CCNH: variants seen among roughly 807,000 people sequenced by gnomAD.
CCNH encodes cyclin H.
CCNH carries 31 observed loss-of-function variants against 41.9 expected under a neutral mutation model. The ratio of observed to expected loss-of-function variants is 0.74; its 90% CI spans 0.56 to 1.00. The LOEUF is 1.00. Among genes scored for constraint, CCNH ranks in the 50% least tolerant of loss-of-function variants. The pLI, the probability that CCNH is intolerant of heterozygous loss-of-function variation, is 0.00. For missense variants in CCNH, 362 were observed against 388.4 expected (o/e 0.93, Z 0.57); for synonymous variants, 138 against 136.1 (o/e 1.01, Z -0.10).
intron 9 of CCNH, among the ~76,000 whole-genome samples, chr5:87,350,359 GTTCT>G (rs1188291268): frequency 1.3e-5 from 2 of 151,742 alleles, no homozygotes; most frequent in African/African-American, 4.8e-5. Flanking sequence ...TGCAATTTGA[GTTCT>G]TTAAGAATGT....
chr5:87,387,905 T>C (rs1762174559), downstream of CCNH, among the ~76,000 whole-genome samples: 1 of 152,210 alleles, frequency 6.6e-6, no homozygotes, highest in South Asian at 2.1e-4. Flanking sequence ...TTTAAGGAAC[T>C]GTGTGAGAAG....
At chr5:87,353,350 ATTAT>A (rs1233876165) in intron 9 of CCNH, 2 of 843,582 alleles carry the variant, frequency 2.4e-6, no homozygotes, top group African/African-American at 1.7e-5. Flanking sequence ...AAAACTACAG[ATTAT>A]TTAGATTTTT....
intron 9 of CCNH, chr5:87,385,255 G>A: frequency 8.5e-7 from 1 of 1,177,080 alleles, no homozygotes; most frequent in Non-Finnish European, 1.3e-6. Context: ...TTAGCTGGAA[G>A]TGCTGTTGGA....
intron 9 of CCNH, among the ~76,000 whole-genome samples, chr5:87,368,247 G>A (rs957705626): frequency 9.2e-5 from 14 of 151,940 alleles, no homozygotes; most frequent in African/African-American, 3.4e-4. Flanking sequence ...CCATTCTGCA[G>A]TTAAATCCAC....
intron 9 of CCNH, among the ~76,000 whole-genome samples, chr5:87,367,914 AT>A: frequency 6.6e-6 from 1 of 151,916 alleles, no homozygotes; most frequent in South Asian, 2.1e-4. Flanking sequence ...CTTTCTCTGG[AT>A]GCTTTGAGAT....
chr5:87,336,031 C>T (rs996185676), intron 9 of CCNH, among the ~76,000 whole-genome samples: 5 of 152,142 alleles, frequency 3.3e-5, no homozygotes, highest in African/African-American at 1.2e-4. Context: ...ATCCTTTTCA[C>T]AACTACATTC....
intron 9 of CCNH, chr5:87,332,754 A>G: frequency 8.9e-7 from 1 of 1,119,140 alleles, no homozygotes; most frequent in Non-Finnish European, 1.3e-6. Context: ...TATTTGTTGT[A>G]TTAAATTTTA....
At chr5:87,398,625 G>T (rs1021333242) in intron 7 of CCNH, among the ~76,000 whole-genome samples, 5 of 152,118 alleles carry the variant, frequency 3.3e-5, no homozygotes, top group African/African-American at 1.2e-4. Context: ...AATCAATTAA[G>T]AGACATTAAA....
chr5:87,385,375 G>A, intron 9 of CCNH: 1 of 1,604,674 alleles, frequency 6.2e-7, no homozygotes, highest in Non-Finnish European at 8.5e-7. Flanking sequence ...AAATCTTGTG[G>A]AATTTGGAGC....
chr5:87,375,636 C>T (rs573804739), downstream of CCNH, among the ~76,000 whole-genome samples: 8 of 152,288 alleles, frequency 5.3e-5, no homozygotes, highest in South Asian at 1.7e-3. Flanking sequence ...GAATATGTCA[C>T]TTATTCACTT....
At chr5:87,355,465 C>T (rs993940190) in intron 9 of CCNH, among the ~76,000 whole-genome samples, 20 of 152,154 alleles carry the variant, frequency 1.3e-4, no homozygotes, top group African/African-American at 4.8e-4. Context: ...TATTTTAAGG[C>T]CACTGTTGAA....
intron 9 of CCNH, among the ~76,000 whole-genome samples, chr5:87,346,175 T>C (rs1392534707): frequency 6.6e-6 from 1 of 152,070 alleles, no homozygotes; most frequent in Non-Finnish European, 1.5e-5. Context: ...CAGTTCTTGA[T>C]GGTGCTATCC....
intron 9 of CCNH, among the ~76,000 whole-genome samples, chr5:87,367,434 A>T (rs917683901): frequency 2.0e-5 from 3 of 152,210 alleles, no homozygotes; most frequent in African/African-American, 7.2e-5. Context: ...GTTAACAGCC[A>T]CCTTGTGCAG....
rs1213952872 is a variant in CCNH at position 87,353,222 on chromosome 5, C to T, written c.*91-34325G>A. The T allele has an allele frequency of 7.5e-6, 12 of 1,606,468 alleles. No homozygotes were observed. The highest frequency in any genetic ancestry group is 1.0e-5 in the Non-Finnish European group (12 of 1,173,668). On this transcript the variant is annotated intron_variant and NMD_transcript_variant, in intron 9 of 9. Coordinates refer to the CCNH transcript ENST00000645953. ...GTTGAAGGATATTATCTTAAGGAAC[C>T]TGTACCAATGCAGGTCAGTGTTGCA...
intron 7 of CCNH, among the ~76,000 whole-genome samples, 165 bp downstream of exon 7, chr5:87,399,229 A>G (rs1763203185): frequency 1.3e-5 from 2 of 152,224 alleles, no homozygotes; most frequent in South Asian, 4.1e-4. Context: ...GTGAATGCCG[A>G]ACTATTACCT....
intron 9 of CCNH, chr5:87,362,765 C>T: frequency 1.4e-6 from 2 of 1,432,174 alleles, no homozygotes; most frequent in Non-Finnish European, 2.0e-6. Flanking sequence ...TAAGTTTTGA[C>T]ATGAGTTATT....
chr5:87,349,876 A>G (rs937572959), intron 9 of CCNH, among the ~76,000 whole-genome samples: 3 of 151,912 alleles, frequency 2.0e-5, no homozygotes, highest in Admixed American at 2.0e-4. Context: ...AGAATGAATT[A>G]TAGTTACTTG....
At chr5:87,331,024 T>C in intron 9 of CCNH, 1 of 1,339,370 alleles carries the variant, frequency 7.5e-7, no homozygotes, top group Non-Finnish European at 9.8e-7. Context: ...CTTTTATTTT[T>C]CTAAGTAAAG....
At chr5:87,334,570 C>CT (rs1490028916) in intron 9 of CCNH, among the ~76,000 whole-genome samples, 1 of 152,204 alleles carries the variant, frequency 6.6e-6, no homozygotes, top group African/African-American at 2.4e-5. Flanking sequence ...TAAGACATAA[C>CT]TTGCCTTTTT....
Sources: gnomAD v4.1 joint callset for allele counts (sites outside exome capture counted in the v4.1 genomes callset) on GRCh38, gnomAD v4.1.1 for gene constraint, MANE v1.5 for transcripts, NCBI Gene and HGNC (gene_info 2026-07-23, HGNC 2026-07-21) for gene names.